ETV5: variants seen among roughly 807,000 people sequenced by gnomAD.
The protein encoded by ETV5 is ETS variant transcription factor 5, also known as ETS translocation variant 5.
ETV5 carries 10 observed loss-of-function variants against 70.0 expected under a neutral mutation model. The ratio of observed to expected loss-of-function variants is 0.14; its 90% CI spans 0.09 to 0.24. The LOEUF (loss-of-function observed/expected upper bound fraction) is 0.24. Ranked by LOEUF, ETV5 falls within the 10% of genes least tolerant of loss-of-function variation. ETV5 has a pLI of 1.00. For missense variants in ETV5, 453 were observed against 651.2 expected, an observed-to-expected ratio of 0.70 and a Z score of 3.31; for synonymous variants, 216 against 242.2, an observed-to-expected ratio of 0.89 and a Z score of 1.01.
In ETV5 at chr3:186,081,108, C is replaced by A; in HGVS notation, c.300G>T (p.Ser100=). 1 of 1,613,716 alleles carries A rather than the reference C, an allele frequency of 6.2e-7. No individual in the cohort carries two copies. Among genetic ancestry groups the A allele is most frequent in the Non-Finnish European group, 8.5e-7 (1 of 1,179,778 alleles). The change falls in exon 6 of 13, where the codon TCG becomes TCT. Residue 100 remains serine (S), a synonymous_variant. Coordinates refer to ENST00000306376, the MANE Select transcript of ETV5 (RefSeq NM_004454.3). ...CAAGAGCCTGCTCATGGCTACAAGA[C>A]GACAGCTCAGAGGAGGGGCTGTGCA... ...RELHSPSSEL[S]SCSHEQALGA...
rs575635251 is a variant in ETV5 at position 186,053,664 on chromosome 3, C to T, written c.1210-1533G>A. On this transcript the variant is annotated intron_variant, in intron 11 of 12. Transcript: ENST00000306376. ...CAATTTCCGTTCAGTTGCTTCATGTCCCCACAGCAGACACGATGTCCTGGG... is the reference window on the plus strand; with the variant it reads ...CAATTTCCGTTCAGTTGCTTCATGTTCCCACAGCAGACACGATGTCCTGGG... 9.9e-5 allele frequency among the ~76,000 whole-genome samples: 15 copies of T among 152,266 alleles called. No homozygotes were observed. In the South Asian group the frequency reaches 3.1e-3, roughly 32 times the overall value.
chr3:186,047,965 C>T lies in ETV5; in HGVS notation c.*674G>A, dbSNP rs1156818677. 4.3e-6 allele frequency: 1 copy of T among 233,332 alleles called. No individual in the cohort carries two copies. Among genetic ancestry groups the T allele is most frequent in the East Asian group, 6.0e-5 (1 of 16,558 alleles). The allele number at this position is 233,332 out of a possible 1,614,324, so 14.5% of individuals were successfully genotyped here. A position where few individuals can be genotyped will look rare whatever the true frequency, so the allele number is the denominator to read the frequency against. On this transcript the variant is annotated 3_prime_UTR_variant, in exon 13 of 13. Transcript: ENST00000306376. ...AAAATAAAAGTCATCCACACTCAGCCACGTGATTGGGAAGAGAAAGGGGGC... is the reference window on the plus strand; with the variant it reads ...AAAATAAAAGTCATCCACACTCAGCTACGTGATTGGGAAGAGAAAGGGGGC...
At chr3:186,051,694 T>C (rs1713036799) in intron 12 of ETV5, among the ~76,000 whole-genome samples, 1 of 152,232 alleles carries the variant, frequency 6.6e-6, no homozygotes, top group African/African-American at 2.4e-5. Context: ...ACCTTCAAGT[T>C]GATTCCCTGT....
chr3:186,102,469 C>T (rs1714482304), intron 5 of ETV5, among the ~76,000 whole-genome samples: 1 of 151,840 alleles, frequency 6.6e-6, no homozygotes, highest in Non-Finnish European at 1.5e-5. Flanking sequence ...CCCGTCTCTA[C>T]TAAAAATACA....
rs1005085403 is a variant in ETV5 at position 186,057,605 on chromosome 3, T to C, written c.971-114A>G. The C allele has an allele frequency of 3.3e-6, 3 of 905,054 alleles. No individual in the cohort carries two copies. The highest frequency in any genetic ancestry group is 5.4e-6 in the Non-Finnish European group (3 of 551,658). The allele number at this position is 905,054 out of a possible 1,614,324, so 56.1% of individuals were successfully genotyped here. ...TATCATTTCAGATCCTAAGTCCTAC[T>C]GCTGTATCTATGGCAGACTGAATTT... On this transcript the variant is annotated intron_variant, in intron 9 of 12. Coordinates refer to ENST00000306376, the MANE Select transcript of ETV5 (RefSeq NM_004454.3). The surrounding 1 kb of genome is among the most constrained non-coding windows in gnomAD (Gnocchi z 4.9).
intron 5 of ETV5, among the ~76,000 whole-genome samples, chr3:186,103,036 C>T (rs1268786156): frequency 2.0e-5 from 3 of 152,198 alleles, no homozygotes; most frequent in Non-Finnish European, 4.4e-5. Context: ...CTTCTTGAAG[C>T]TCTACCTCAA....
chr3:186,084,237 T>C (rs1236611848), intron 5 of ETV5: 3 of 446,958 alleles, frequency 6.7e-6, no homozygotes, highest in Admixed American at 4.9e-5. Flanking sequence ...CAAATTGGAA[T>C]TGAAAAGGGA....
intron 9 of ETV5, among the ~76,000 whole-genome samples, chr3:186,058,828 A>G (rs1008873081): frequency 6.6e-6 from 1 of 152,118 alleles, no homozygotes; most frequent in Non-Finnish European, 1.5e-5. Context: ...AGCCTGGCCA[A>G]CATGGTGAAA....
At chr3:186,072,962 C>T (rs1713679870) in intron 7 of ETV5, among the ~76,000 whole-genome samples, 1 of 152,076 alleles carries the variant, frequency 6.6e-6, no homozygotes, top group African/African-American at 2.4e-5. Context: ...TAATATCCCA[C>T]CTCTACTGAA....
chr3:186,056,950 A>C, intron 11 of ETV5, 125 bp downstream of exon 11: 69 of 1,033,494 alleles, frequency 6.7e-5, no homozygotes, highest in Middle Eastern at 2.1e-4. Flanking sequence ...CCCACTGGCC[A>C]GGCCAGAATA....
chr3:186,061,981 C>A (rs1262722555), intron 9 of ETV5, among the ~76,000 whole-genome samples: 1 of 152,116 alleles, frequency 6.6e-6, no homozygotes, highest in Non-Finnish European at 1.5e-5. Flanking sequence ...GCAGCAGATG[C>A]CTTAAAAAAT....
intron 5 of ETV5, among the ~76,000 whole-genome samples, chr3:186,103,394 C>T (rs1714510037): frequency 6.6e-6 from 1 of 152,196 alleles, no homozygotes; most frequent in East Asian, 1.9e-4. Context: ...CTTGCTTCAG[C>T]ACATGCAATC....
intron 5 of ETV5, among the ~76,000 whole-genome samples, chr3:186,096,529 G>A (rs1261487204): frequency 6.6e-6 from 1 of 152,070 alleles, no homozygotes; most frequent in Non-Finnish European, 1.5e-5. Context: ...GTTACCTCCT[G>A]AGAGGTTTCA....
intron 7 of ETV5, among the ~76,000 whole-genome samples, chr3:186,068,614 G>A (rs1030671026): frequency 6.6e-6 from 1 of 152,190 alleles, no homozygotes; most frequent in African/African-American, 2.4e-5. Context: ...GGGAAAGCCT[G>A]CCGTGCCTTA....
chr3:186,079,559 C>T (rs150021131), intron 7 of ETV5, among the ~76,000 whole-genome samples: 14 of 152,230 alleles, frequency 9.2e-5, no homozygotes, highest in South Asian at 4.2e-4. Context: ...TTCTGTGAGA[C>T]GGGAGAATAC....
intron 9 of ETV5, among the ~76,000 whole-genome samples, chr3:186,062,119 T>C (rs751367955): frequency 5.8e-4 from 89 of 152,202 alleles, no homozygotes; most frequent in Non-Finnish European, 1.0e-3. Context: ...TTTTCAGCAA[T>C]AGGTGATTAG....
chr3:186,106,819 ACTT>A (rs974953667), intron 1 of ETV5: 4 of 390,194 alleles, frequency 1.0e-5, no homozygotes, highest in Non-Finnish European at 1.4e-5. Context: ...AAGGGAGAAA[ACTT>A]CTCCTAACGT....
chr3:186,085,270 A>C (rs968823608), intron 5 of ETV5, among the ~76,000 whole-genome samples: 3 of 152,252 alleles, frequency 2.0e-5, no homozygotes, highest in East Asian at 3.9e-4. Context: ...TAAAAGATAA[A>C]GGGAAAGAGA....
At position 186,057,682 on chromosome 3, in the gene ETV5, G is replaced by A. The variant is rs147742348; in HGVS notation, c.971-191C>T. On this transcript the variant is annotated intron_variant, in intron 9 of 12. Transcript: ENST00000306376. The surrounding 1 kb of genome is among the most constrained non-coding windows in gnomAD (Gnocchi z 4.9). ...TTCCAATTCTGATGTAATCACCTGC[G>A]CCTCAGTCAGAGCAGCATCAATTCC... Among the ~76,000 whole-genome samples, 14 of 152,232 alleles carry A rather than the reference G, an allele frequency of 9.2e-5. No homozygotes were observed. Among genetic ancestry groups the A allele is most frequent in the Admixed American group, 5.9e-4 (9 of 15,286 alleles).
Sources: gnomAD v4.1 joint callset for allele counts (sites outside exome capture counted in the v4.1 genomes callset) on GRCh38, gnomAD v4.1.1 for gene constraint, Gnocchi (gnomAD v3.1) non-coding constraint, MANE v1.5 for transcripts, NCBI Gene and HGNC (gene_info 2026-07-23, HGNC 2026-07-21) for gene names.